Variants in PKD2L2 observed in about 807,000 individuals in gnomAD.
The protein encoded by PKD2L2 is polycystin-2-like protein 2.
PKD2L2 carries 67 observed loss-of-function variants against 83.9 expected under a neutral mutation model. That is an observed-to-expected ratio of 0.80 (90% CI 0.66 to 0.98). PKD2L2 has a LOEUF of 0.98. PKD2L2 is among the 50% of genes least tolerant of loss of function. The pLI is 0.00. For synonymous variants in PKD2L2, 223 were observed against 237.8 expected (o/e 0.94, Z 0.57); for missense variants, 632 against 717.2 (o/e 0.88, Z 1.36).
Position 137,894,467 on chromosome 5 carries a change from G to A in PKD2L2, c.382G>A (p.Val128Ile), listed in dbSNP as rs375957405. ...CTACTATGAAAATATACTTCTAGGA[G>A]TTCCCAGAGTTCGTCAACTAAAAGT... ...RIYYENILLG[V>I]PRVRQLKVRN... Residue 128 changes from valine (V) to isoleucine (I), a missense_variant, in exon 4 of 15, where the codon GTT (valine) becomes ATT (isoleucine). Physicochemically the swap from Val to Ile is conservative, Grantham distance 29. Around this residue, in one of 3 missense-constraint regions of PKD2L2, gnomAD observed 229 missense variants for 281.5 expected, o/e 0.81. Coordinates refer to ENST00000508883, the MANE Select transcript of PKD2L2 (RefSeq NM_001300921.2). 6.2e-7 allele frequency: 1 copy of A among 1,613,758 alleles called. No homozygotes were observed. The highest frequency in any genetic ancestry group is 1.3e-5 in the African/African-American group (1 of 74,888).
intron 8 of PKD2L2, among the ~76,000 whole-genome samples, chr5:137,914,971 C>G (rs1758193022): frequency 6.6e-6 from 1 of 152,102 alleles, no homozygotes; most frequent in Non-Finnish European, 1.5e-5. Context: ...AGGGATAAAT[C>G]TCACTTGTTC....
At chr5:137,930,460 C>T (rs376462564) in intron 12 of PKD2L2, among the ~76,000 whole-genome samples, 3 of 151,938 alleles carry the variant, frequency 2.0e-5, no homozygotes, top group African/African-American at 7.3e-5. Context: ...ATCATGAGGT[C>T]AGGAGTTCGA....
At chr5:137,919,527 C>CTTT (rs1554108605) in intron 8 of PKD2L2, among the ~76,000 whole-genome samples, 47 of 101,618 alleles carry the variant, frequency 4.6e-4, no homozygotes, top group Middle Eastern at 5.7e-3. Context: ...TTTTTTTTTC[C>CTTT]CCAACTCAAA....
chr5:137,921,980 C>T (rs1469619296), intron 9 of PKD2L2, among the ~76,000 whole-genome samples: 1 of 152,142 alleles, frequency 6.6e-6, no homozygotes, highest in Non-Finnish European at 1.5e-5. Flanking sequence ...CGGGAATGTG[C>T]TAAATCCTTC....
intron 6 of PKD2L2, among the ~76,000 whole-genome samples, chr5:137,906,836 G>GA (rs910374232): frequency 6.6e-6 from 1 of 151,980 alleles, no homozygotes; most frequent in Non-Finnish European, 1.5e-5. Flanking sequence ...AATAAATTTT[G>GA]AAAAAATAGA....
At position 137,942,574 on chromosome 5, in the gene PKD2L2, G is replaced by A. The variant is rs896142553; in HGVS notation, c.*208G>A. 1 of 320,194 alleles carries A rather than the reference G, an allele frequency of 3.1e-6. No homozygotes were observed. 19.8% of individuals were successfully genotyped at this position (320,194 alleles called of 1,614,324 possible). On this transcript the variant is annotated 3_prime_UTR_variant, in exon 15 of 15. Coordinates refer to ENST00000508883, the MANE Select transcript of PKD2L2 (RefSeq NM_001300921.2). ...GTCTGGGTCCCACTATATTGCCCAG[G>A]CTGGTCTTGAACTCCTGGCCTCAAG... is the stretch of plus-strand genomic sequence containing the variant.
At chr5:137,916,228 T>C (rs1212327999) in intron 8 of PKD2L2, among the ~76,000 whole-genome samples, 2 of 151,814 alleles carry the variant, frequency 1.3e-5, no homozygotes, top group African/African-American at 4.8e-5. Context: ...CAGGCTGGAG[T>C]GCAGTGGCAC....
At chr5:137,899,360 G>A (rs567260068) in intron 4 of PKD2L2, among the ~76,000 whole-genome samples, 156 bp from the exon 5 acceptor site, 30 of 152,236 alleles carry the variant, frequency 2.0e-4, no homozygotes, top group Non-Finnish European at 3.4e-4. Context: ...CAAGGGATCC[G>A]CCTACCTCGG....
At chr5:137,912,733 T>C (rs1242972254) in intron 8 of PKD2L2, among the ~76,000 whole-genome samples, 3 of 151,954 alleles carry the variant, frequency 2.0e-5, no homozygotes, top group Non-Finnish European at 2.9e-5. Context: ...GCCATTTGTG[T>C]GTCTTCTTTT....
chr5:137,926,175 GTGAA>G (rs978811185), intron 12 of PKD2L2, among the ~76,000 whole-genome samples: 2 of 152,186 alleles, frequency 1.3e-5, no homozygotes, highest in African/African-American at 4.8e-5. Context: ...CACTCACTGT[GTGAA>G]TATCACACTG....
chr5:137,916,822 G>A (rs901525016), intron 8 of PKD2L2, among the ~76,000 whole-genome samples: 23 of 151,904 alleles, frequency 1.5e-4, no homozygotes, highest in African/African-American at 5.3e-4. Flanking sequence ...TCATTGCACT[G>A]CCTTGTAGTC....
intron 4 of PKD2L2, among the ~76,000 whole-genome samples, chr5:137,899,200 T>C (rs1285809433): frequency 6.6e-6 from 1 of 152,132 alleles, no homozygotes; most frequent in Non-Finnish European, 1.5e-5. Context: ...TCACTGCAGC[T>C]CAACCTCCCG....
intron 9 of PKD2L2, among the ~76,000 whole-genome samples, chr5:137,922,030 G>C (rs1297448100): frequency 6.6e-6 from 1 of 152,146 alleles, no homozygotes; most frequent in Non-Finnish European, 1.5e-5. Flanking sequence ...TTCAGGCTGG[G>C]ACAATGCATG....
chr5:137,901,998 G>C (rs892299509), intron 5 of PKD2L2, among the ~76,000 whole-genome samples: 1 of 142,110 alleles, frequency 7.0e-6, no homozygotes, highest in African/African-American at 2.6e-5. Flanking sequence ...TGTGGATATG[G>C]AAAAAAAAAA....
chr5:137,920,194 A>G (rs1007726848), intron 8 of PKD2L2, among the ~76,000 whole-genome samples: 4 of 152,150 alleles, frequency 2.6e-5, no homozygotes, highest in African/African-American at 9.7e-5. Context: ...TAAGAGTGAA[A>G]CACCGTCTCA....
chr5:137,923,558 C>A, intron 10 of PKD2L2, 37 bp downstream of exon 10: 2 of 972,602 alleles, frequency 2.1e-6, no homozygotes, highest in Non-Finnish European at 3.4e-6. Flanking sequence ...AATTCTAAGA[C>A]AAACCTCATA....
intron 4 of PKD2L2, among the ~76,000 whole-genome samples, chr5:137,897,075 T>C (rs938454920): frequency 3.0e-5 from 4 of 135,088 alleles, no homozygotes; most frequent in Non-Finnish European, 4.8e-5. Context: ...ATTATTATTA[T>C]TGAGACAGGG....
At chr5:137,894,085 C>A (rs1056161907) in intron 3 of PKD2L2, among the ~76,000 whole-genome samples, 1 of 151,992 alleles carries the variant, frequency 6.6e-6, no homozygotes, top group Non-Finnish European at 1.5e-5. Flanking sequence ...AGAAAATTTT[C>A]GATTTACTCA....
At chr5:137,891,328 T>C (rs1344626152) in intron 2 of PKD2L2, among the ~76,000 whole-genome samples, 2 of 152,108 alleles carry the variant, frequency 1.3e-5, no homozygotes, top group Admixed American at 1.3e-4. Flanking sequence ...TAGCCAGGTG[T>C]GGTGGCACAC....
Sources: allele counts gnomAD v4.1 joint callset (sites outside exome capture counted in the v4.1 genomes callset), GRCh38; gene constraint gnomAD v4.1.1; regional missense constraint gnomAD v4.1.1; transcripts MANE v1.5; gene names NCBI Gene and HGNC (gene_info 2026-07-23, HGNC 2026-07-21).